The following NUSAP1 variants were observed in gnomAD, a reference collection of about 807,000 sequenced individuals.
NUSAP1 encodes the protein nucleolar and spindle-associated protein 1.
A neutral mutation model predicts 52.8 loss-of-function variants in NUSAP1; 32 were observed. The observed-to-expected ratio is 0.61, with a 90% CI of 0.46 to 0.81. NUSAP1 has a LOEUF of 0.81. Ranked by LOEUF, NUSAP1 falls within the 40% of genes least tolerant of loss-of-function variation. NUSAP1 has a pLI of 0.00. For synonymous variants in NUSAP1, 195 were observed against 183.1 expected (o/e 1.06, Z -0.52); for missense variants, 499 against 522.3 (o/e 0.96, Z 0.43).
At chr15:41,372,819 G>A (rs1450717663) in intron 8 of NUSAP1, among the ~76,000 whole-genome samples, 1 of 152,186 alleles carries the variant, frequency 6.6e-6, no homozygotes, top group Non-Finnish European at 1.5e-5. Flanking sequence ...CGGACGCAGT[G>A]GCTCTTGCCT....
In NUSAP1 at chr15:41,340,343, C is replaced by A. The variant is rs147719152; in HGVS notation, c.94-2043C>A. On this transcript the variant is annotated intron_variant, in intron 1 of 10. Coordinates refer to ENST00000559596, the MANE Select transcript of NUSAP1 (RefSeq NM_016359.5). ...TAATTCAGGTAGCATCCCCACCCCA[C>A]CCCAGTTGCCCAGTTTTATTTTTGC... 3.7e-3 allele frequency among the ~76,000 whole-genome samples: 557 copies of A among 152,222 alleles called. 13 individuals are homozygous for A. Among genetic ancestry groups the A allele is most frequent in the Admixed American group, 0.03 (458 of 15,264 alleles).
intron 6 of NUSAP1, among the ~76,000 whole-genome samples, chr15:41,363,304 A>C (rs2049254788): frequency 6.7e-6 from 1 of 148,668 alleles, no homozygotes; most frequent in African/African-American, 2.5e-5. Flanking sequence ...AAAAAAAAAG[A>C]TCTTGCCTGT....
intron 2 of NUSAP1, among the ~76,000 whole-genome samples, chr15:41,348,483 G>A (rs1480815849): frequency 6.6e-6 from 1 of 152,044 alleles, no homozygotes; most frequent in Non-Finnish European, 1.5e-5. Flanking sequence ...GCTTCCCAAA[G>A]TGCTGGGATT....
intron 1 of NUSAP1, among the ~76,000 whole-genome samples, chr15:41,338,381 C>T (rs191497853): frequency 6.6e-6 from 1 of 152,254 alleles, no homozygotes; most frequent in African/African-American, 2.4e-5. Flanking sequence ...ACAGTCTCTT[C>T]CCCATCTCAG....
chr15:41,369,767 G>T (rs1011616487), intron 7 of NUSAP1, among the ~76,000 whole-genome samples: 1 of 151,848 alleles, frequency 6.6e-6, no homozygotes, highest in Non-Finnish European at 1.5e-5. Flanking sequence ...GTTATTTTAT[G>T]AACCATTAAG....
At chr15:41,336,648 G>GTGTTTTTTGT (rs1555426223) in intron 1 of NUSAP1, among the ~76,000 whole-genome samples, 1 of 91,372 alleles carries the variant, frequency 1.1e-5, no homozygotes, top group Non-Finnish European at 2.4e-5. Context: ...CCTCCTTTTG[G>GTGTTTTTTGT]TTTTTTTTTT....
At chr15:41,349,383 C>A in intron 3 of NUSAP1, 142 bp downstream of exon 3, 2 of 757,512 alleles carry the variant, frequency 2.6e-6, no homozygotes, top group Admixed American at 5.9e-5. Context: ...AAGCCCAGAC[C>A]CAAGTCCAGC....
At chr15:41,365,211 G>C (rs904153533) in intron 6 of NUSAP1, among the ~76,000 whole-genome samples, 191 bp from the exon 7 acceptor site, 3 of 152,036 alleles carry the variant, frequency 2.0e-5, no homozygotes, top group African/African-American at 7.2e-5. Flanking sequence ...TCTGTTGCCA[G>C]GCTGGTGTGA....
At chr15:41,353,197 C>T (rs1474600278) in intron 4 of NUSAP1, among the ~76,000 whole-genome samples, 2 of 152,122 alleles carry the variant, frequency 1.3e-5, no homozygotes, top group Non-Finnish European at 2.9e-5. Flanking sequence ...GTTGCCCAGG[C>T]GGGAGTACAG....
intron 4 of NUSAP1, among the ~76,000 whole-genome samples, chr15:41,352,159 G>C (rs538313061): frequency 2.6e-5 from 4 of 152,088 alleles, no homozygotes; most frequent in Non-Finnish European, 5.9e-5. Flanking sequence ...GGCCAGGCTT[G>C]TCTCGAACTC....
intron 1 of NUSAP1, among the ~76,000 whole-genome samples, chr15:41,339,403 C>T (rs1242355074): frequency 6.7e-6 from 1 of 149,756 alleles, no homozygotes; most frequent in African/African-American, 2.5e-5. Context: ...TACATTACTT[C>T]GACTTTTCTT....
chr15:41,370,247 T>C (rs2049612118), intron 7 of NUSAP1, among the ~76,000 whole-genome samples: 1 of 151,808 alleles, frequency 6.6e-6, no homozygotes, highest in Non-Finnish European at 1.5e-5. Context: ...CCGGGCGTAG[T>C]GGCGGGCGCC....
chr15:41,354,146 C>T (rs1268607051), intron 4 of NUSAP1, among the ~76,000 whole-genome samples: 1 of 152,126 alleles, frequency 6.6e-6, no homozygotes, highest in Non-Finnish European at 1.5e-5. Context: ...GAGGCTGAAG[C>T]AGAAGTATCA....
At chr15:41,369,078 C>T (rs1220112562) in intron 7 of NUSAP1, among the ~76,000 whole-genome samples, 1 of 151,466 alleles carries the variant, frequency 6.6e-6, no homozygotes, top group Non-Finnish European at 1.5e-5. Flanking sequence ...CAGGATCTTG[C>T]TCTGTCACCC....
chr15:41,358,317 C>G (rs1160189714), intron 6 of NUSAP1, 59 bp downstream of exon 6: 3 of 777,576 alleles, frequency 3.9e-6, no homozygotes, highest in South Asian at 3.2e-5. Flanking sequence ...AATTTTGAAA[C>G]TATATAACAC....
intron 2 of NUSAP1, 105 bp downstream of exon 2, chr15:41,342,559 C>A: frequency 2.2e-6 from 2 of 897,722 alleles, no homozygotes; most frequent in Non-Finnish European, 3.5e-6. Flanking sequence ...TGCTGTTGGC[C>A]AGGTGTTGTG....
intron 6 of NUSAP1, among the ~76,000 whole-genome samples, chr15:41,358,757 C>G (rs2049063841): frequency 6.6e-6 from 1 of 152,098 alleles, no homozygotes; most frequent in South Asian, 2.1e-4. Context: ...ACAGTGAATC[C>G]TGACTATGAG....
At chr15:41,374,835 CTT>C (rs1186240440) in intron 8 of NUSAP1, among the ~76,000 whole-genome samples, 1 of 151,178 alleles carries the variant, frequency 6.6e-6, no homozygotes, top group African/African-American at 2.4e-5. Context: ...TCTTTTTTTT[CTT>C]TGTTTGTTTC....
At chr15:41,363,339 C>CTA (rs200179301) in intron 6 of NUSAP1, among the ~76,000 whole-genome samples, 148 of 146,570 alleles carry the variant, frequency 1.0e-3, no homozygotes, top group African/African-American at 2.8e-3. Flanking sequence ...CTCTCTCTCT[C>CTA]TATATATATA....
Sources: gnomAD v4.1 joint callset for allele counts (sites outside exome capture counted in the v4.1 genomes callset) on GRCh38, gnomAD v4.1.1 for gene constraint, MANE v1.5 for transcripts, NCBI Gene and HGNC (gene_info 2026-07-23, HGNC 2026-07-21) for gene names.